The following RGS17 variants were observed in gnomAD, a reference collection of about 807,000 sequenced individuals.
RGS17 encodes regulator of G protein signaling 17, also known as regulator of G-protein signaling 17.
RGS17 carries 12 observed loss-of-function variants against 25.5 expected under a neutral mutation model. The ratio of observed to expected loss-of-function variants is 0.47; its 90% CI spans 0.30 to 0.76. The LOEUF (loss-of-function observed/expected upper bound fraction) is 0.76, where lower values mean the gene tolerates loss of function less well. RGS17 is among the 30% of genes least tolerant of loss of function. RGS17 has a pLI of 0.07. For missense variants in RGS17, 196 were observed against 242.2 expected, an observed-to-expected ratio of 0.81 and a Z score of 1.27; for synonymous variants, 71 against 76.9, an observed-to-expected ratio of 0.92 and a Z score of 0.40.
At chr6:153,080,706 CCTTA>C (rs1233123840) in intron 1 of RGS17, among the ~76,000 whole-genome samples, 2 of 151,968 alleles carry the variant, frequency 1.3e-5, no homozygotes, top group East Asian at 1.9e-4. Context: ...GTTCTTTCTT[CCTTA>C]CTAACATAAG....
intron 4 of RGS17, among the ~76,000 whole-genome samples, chr6:153,020,118 A>ATG (rs1779228205): frequency 1.3e-5 from 1 of 78,830 alleles, no homozygotes; most frequent in African/African-American, 5.8e-5. Flanking sequence ...AAAAATATAT[A>ATG]TATATATATA....
At chr6:153,070,554 A>T (rs1776773442) in intron 1 of RGS17, among the ~76,000 whole-genome samples, 2 of 151,354 alleles carry the variant, frequency 1.3e-5, no homozygotes, top group Admixed American at 1.3e-4. Context: ...GTGGATATGG[A>T]GGACCAACTG....
At chr6:153,085,163 T>C (rs1318994762) in intron 1 of RGS17, among the ~76,000 whole-genome samples, 2 of 152,220 alleles carry the variant, frequency 1.3e-5, no homozygotes, top group African/African-American at 4.8e-5. Context: ...TTCTATCTTG[T>C]ATAGTATCCA....
chr6:153,083,033 G>A (rs1424819615), intron 1 of RGS17, among the ~76,000 whole-genome samples: 3 of 152,068 alleles, frequency 2.0e-5, no homozygotes, highest in Non-Finnish European at 2.9e-5. Flanking sequence ...GAATCTTTTG[G>A]TTTACAGCTC....
At chr6:153,087,166 C>T (rs1177697509) in intron 1 of RGS17, among the ~76,000 whole-genome samples, 2 of 40,994 alleles carry the variant, frequency 4.9e-5, no homozygotes, top group East Asian at 7.9e-4. Context: ...GCTTGTAATC[C>T]CAGCTACTCA....
chr6:153,124,602 T>C (rs1460184618), intron 1 of RGS17, among the ~76,000 whole-genome samples: 1 of 152,218 alleles, frequency 6.6e-6, no homozygotes, highest in Non-Finnish European at 1.5e-5. Flanking sequence ...TTAAATTGTC[T>C]TCAGTTTTAC....
At chr6:153,042,556 T>A (rs972203769) in intron 2 of RGS17, among the ~76,000 whole-genome samples, 1 of 152,204 alleles carries the variant, frequency 6.6e-6, no homozygotes, top group Non-Finnish European at 1.5e-5. Flanking sequence ...GTGAGTCCAT[T>A]AAACCTCTTT....
intron 2 of RGS17, among the ~76,000 whole-genome samples, chr6:153,026,867 T>C (rs1291899767): frequency 6.6e-6 from 1 of 152,114 alleles, no homozygotes; most frequent in Non-Finnish European, 1.5e-5. Context: ...TATATATATG[T>C]ATATACACAC....
intron 1 of RGS17, among the ~76,000 whole-genome samples, chr6:153,056,749 C>A (rs2129113579): frequency 6.6e-6 from 1 of 152,000 alleles, no homozygotes; most frequent in South Asian, 2.1e-4. Flanking sequence ...ATTATATTGT[C>A]AATCTTTGTG....
At chr6:153,115,225 C>A (rs1777527052) in intron 1 of RGS17, among the ~76,000 whole-genome samples, 1 of 152,216 alleles carries the variant, frequency 6.6e-6, no homozygotes, top group Non-Finnish European at 1.5e-5. Flanking sequence ...TAAGCAACTT[C>A]AGCAAAGTCT....
intron 1 of RGS17, among the ~76,000 whole-genome samples, chr6:153,062,950 C>A (rs1776658684): frequency 6.6e-6 from 1 of 152,154 alleles, no homozygotes; most frequent in African/African-American, 2.4e-5. Context: ...TCATCACCTG[C>A]TAACTAAAGA....
At chr6:153,047,485 A>G (rs1158151041) in intron 1 of RGS17, among the ~76,000 whole-genome samples, 2 of 152,212 alleles carry the variant, frequency 1.3e-5, no homozygotes, top group African/African-American at 4.8e-5. Flanking sequence ...AGCATTTTAC[A>G]CTACAATGGA....
At chr6:153,125,425 T>G (rs1477182592) in intron 1 of RGS17, among the ~76,000 whole-genome samples, 1 of 152,182 alleles carries the variant, frequency 6.6e-6, no homozygotes, top group African/African-American at 2.4e-5. Flanking sequence ...AATAGTAGAG[T>G]AAAAATTCAA....
chr6:153,054,015 TA>T lies in RGS17; in HGVS notation c.-25-9973del, dbSNP rs1316420645. On this transcript the variant is annotated intron_variant, in intron 1 of 4. Transcript: ENST00000206262. The stretch of plus-strand genomic sequence containing the variant: ...TAATATATATACATATATACGTATA[TA>T]TGTATATAATATATATACATATATA... 4.6e-4 allele frequency among the ~76,000 whole-genome samples: 12 copies of T among 25,858 alleles called. 1 individual carries two copies. The highest frequency in any genetic ancestry group is 7.4e-5 in the Non-Finnish European group (1 of 13,464). 17.0% of individuals were successfully genotyped at this position (25,858 alleles called of 152,430 possible). A position where few individuals can be genotyped will look rare whatever the true frequency, so the allele number is the denominator to read the frequency against.
rs1779227259 is a variant in RGS17 at position 153,020,111 on chromosome 6, AAT to A, written c.444+4149_444+4150del. Among the ~76,000 whole-genome samples, 129 of 58,442 alleles carry A rather than the reference AAT, an allele frequency of 2.2e-3. 2 individuals carry two copies. Among genetic ancestry groups the A allele is most frequent in the African/African-American group, 6.9e-3 (108 of 15,734 alleles). 38.3% of individuals were successfully genotyped at this position (58,442 alleles called of 152,430 possible). A position where few individuals can be genotyped will look rare whatever the true frequency, so the allele number is the denominator to read the frequency against. The stretch of plus-strand genomic sequence containing the variant: ...AATTGCAAATATCTTAAAAAAAAAA[AAT>A]ATATATATATATATATATATATATA... On this transcript the variant is annotated intron_variant, in intron 4 of 4. Coordinates refer to ENST00000206262, the MANE Select transcript of RGS17 (RefSeq NM_012419.5).
chr6:153,052,677 C>T (rs1302581607), intron 1 of RGS17, among the ~76,000 whole-genome samples: 1 of 152,030 alleles, frequency 6.6e-6, no homozygotes, highest in East Asian at 1.9e-4. Flanking sequence ...AATGCTAGAA[C>T]AAGTTAAGAC....
chr6:153,099,726 G>T (rs985312515), intron 1 of RGS17, among the ~76,000 whole-genome samples: 1 of 152,162 alleles, frequency 6.6e-6, no homozygotes, highest in African/African-American at 2.4e-5. Context: ...GTAACTAAGC[G>T]TAAGCAGATT....
In RGS17 at chr6:153,103,349, C is replaced by T. The variant is rs572447892; in HGVS notation, c.-26+27775G>A. Among the ~76,000 whole-genome samples, 5 of 152,266 alleles carry T rather than the reference C, an allele frequency of 3.3e-5. No individual in the cohort carries two copies. In the South Asian group the frequency reaches 1.0e-3, roughly 32 times the overall value. ...TATTTAATATATGCCATAATTATTACCACTGATACGATAGTTATATTTCCG... is the reference window on the plus strand; with the variant it reads ...TATTTAATATATGCCATAATTATTATCACTGATACGATAGTTATATTTCCG... On this transcript the variant is annotated intron_variant, in intron 1 of 4. Transcript: ENST00000206262.
chr6:153,023,131 A>G (rs1368896866), intron 4 of RGS17, among the ~76,000 whole-genome samples: 1 of 152,184 alleles, frequency 6.6e-6, no homozygotes, highest in Non-Finnish European at 1.5e-5. Context: ...TAGAAGTGAA[A>G]TCGTTTATGT....
Sources: gnomAD v4.1 joint callset for allele counts (sites outside exome capture counted in the v4.1 genomes callset) on GRCh38, gnomAD v4.1.1 for gene constraint, MANE v1.5 for transcripts, NCBI Gene and HGNC (gene_info 2026-07-23, HGNC 2026-07-21) for gene names.